ABCC12: variants seen among roughly 807,000 people sequenced by gnomAD.
ABCC12 encodes the protein ATP binding cassette subfamily C member 12, also known as ATP-binding cassette sub-family C member 12.
In ABCC12, 142 loss-of-function variants were observed where a neutral mutation model predicts 151.1. The ratio of observed to expected loss-of-function variants is 0.94; its 90% CI spans 0.82 to 1.08. ABCC12 has a LOEUF of 1.08. Ranked by LOEUF, ABCC12 falls within the 50% of genes least tolerant of loss-of-function variation. ABCC12 has a pLI of 0.00. For synonymous variants in ABCC12, 645 were observed against 646.4 expected (o/e 1.00, Z 0.03); for missense variants, 1,638 against 1,691.1 (o/e 0.97, Z 0.55).
At chr16:48,107,995 C>A (rs1168027234) in intron 19 of ABCC12, among the ~76,000 whole-genome samples, 1 of 149,984 alleles carries the variant, frequency 6.7e-6, no homozygotes. Flanking sequence ...GGTGACAGAG[C>A]AAGACTCCAT....
At chr16:48,112,907 T>C (rs560244617) in intron 15 of ABCC12, among the ~76,000 whole-genome samples, 10 of 152,292 alleles carry the variant, frequency 6.6e-5, no homozygotes, top group Admixed American at 1.3e-4. Context: ...TTTTTTTTAA[T>C]TTGAATTCCC....
In ABCC12 at chr16:48,107,394, G is replaced by A. The variant is rs1963532031; in HGVS notation, c.2403C>T (p.Leu801=). 6.2e-7 allele frequency: 1 copy of A among 1,614,090 alleles called. No individual in the cohort carries two copies. The highest frequency in any genetic ancestry group is 1.3e-5 in the African/African-American group (1 of 74,924). The change falls in exon 20 of 31, where the codon CTC becomes CTT. Residue 801 remains leucine (L), a synonymous_variant. Coordinates refer to ENST00000311303, the MANE Select transcript of ABCC12 (RefSeq NM_001393797.1). Reference sequence around the variant, plus strand: ...CAGCGCTGCCAATCATCAGGAGGAAGAGGAACACAGTGAAGAGAGAAAGGA... The same window carrying A: ...CAGCGCTGCCAATCATCAGGAGGAAAAGGAACACAGTGAAGAGAGAAAGGA... ...GYLLSLFTVF[L]FLLMIGSAAF...
rs146815895 is a variant in ABCC12, at chr16:48,111,793, G to A, written c.2107C>T (p.Arg703Ter). 140 of 1,614,088 alleles carry A rather than the reference G, an allele frequency of 8.7e-5. No individual in the cohort carries two copies. The African/African-American group carries it at 1.5e-3, about 18-fold the overall frequency. Residue 703 changes from arginine to a stop codon, truncating the protein, a stop_gained, in exon 16 of 31, where the codon CGA becomes TGA. Coordinates refer to ENST00000311303, the MANE Select transcript of ABCC12 (RefSeq NM_001393797.1). LOFTEE classifies it high-confidence loss of function. The stretch of plus-strand genomic sequence containing the variant: ...TGAGTTACCTTGAACTGCAATCCTC[G>A]CAGGTTGTGAATCAGTTTTGCATAG... The part of the protein sequence containing the change: ...GRYAKLIHNL[R>*]GLQFKDPEHL...
At chr16:48,093,741 A>G (rs1429762597) in intron 24 of ABCC12, among the ~76,000 whole-genome samples, 3 of 152,224 alleles carry the variant, frequency 2.0e-5, no homozygotes, top group Non-Finnish European at 4.4e-5. Context: ...CTTTTGCTAA[A>G]TGCAAGAGTA....
chr16:48,107,241 A>C, intron 20 of ABCC12, 81 bp downstream of exon 20: 1 of 1,320,668 alleles, frequency 7.6e-7, no homozygotes, highest in Non-Finnish European at 1.1e-6. Flanking sequence ...GCATGGTGGC[A>C]GGGGCAGTCA....
intron 2 of ABCC12, among the ~76,000 whole-genome samples, chr16:48,151,612 CTG>C (rs767814467): frequency 2.1e-4 from 32 of 152,136 alleles, no homozygotes; most frequent in Non-Finnish European, 4.1e-4. Context: ...CTGGAGAACT[CTG>C]TACTATCTTT....
chr16:48,119,706 C>T (rs1964004403), intron 13 of ABCC12, among the ~76,000 whole-genome samples: 1 of 152,176 alleles, frequency 6.6e-6, no homozygotes, highest in African/African-American at 2.4e-5. Flanking sequence ...TGAGAAAGGC[C>T]AAACTACCAC....
chr16:48,084,236 A>T (rs1218319664), intron 29 of ABCC12, among the ~76,000 whole-genome samples, 163 bp from the exon 30 acceptor site: 1 of 152,218 alleles, frequency 6.6e-6, no homozygotes, highest in Non-Finnish European at 1.5e-5. Context: ...GAAGAACAAG[A>T]GTGAAATAAA....
rs541225265 is a variant in ABCC12, at chr16:48,102,247, G to A, written c.2901-1238C>T. Among the ~76,000 whole-genome samples the A allele has an allele frequency of 8.2e-4, 125 of 152,256 alleles. 1 individual carries two copies. Among genetic ancestry groups the A allele is most frequent in the African/African-American group, 2.8e-3 (118 of 41,526 alleles). ...ACTTCACTTCAGCCTCTGATTAGTC[G>A]CTTTCTGCAACCAGTCAGACTGATC... On this transcript the variant is annotated intron_variant, in intron 22 of 30. Coordinates refer to ENST00000311303, the MANE Select transcript of ABCC12 (RefSeq NM_001393797.1).
chr16:48,136,163 T>A (rs1392489028), intron 8 of ABCC12, among the ~76,000 whole-genome samples: 2 of 152,200 alleles, frequency 1.3e-5, no homozygotes, highest in South Asian at 4.1e-4. Flanking sequence ...CGAAGCCCAC[T>A]TCTCCTGGGA....
chr16:48,086,778 A>G lies in ABCC12; in HGVS notation c.3677T>C (p.Leu1226Pro). The G allele has an allele frequency of 1.2e-6, 2 of 1,614,096 alleles. No homozygotes were observed. Among genetic ancestry groups the G allele is most frequent in the Non-Finnish European group, 1.7e-6 (2 of 1,179,958 alleles). Residue 1226 changes from leucine (L) to proline (P), a missense_variant, in exon 28 of 31, where the codon CTC becomes CCC. Physicochemically the swap from Leu to Pro is moderately conservative, Grantham distance 98. Coordinates refer to ENST00000311303, the MANE Select transcript of ABCC12 (RefSeq NM_001393797.1). ...DPFESHTDEM[L>P]WQVLERTFMR... Reference sequence around the variant, plus strand: ...GAATGTTCTCTCCAGAACCTGCCAGAGCATCTCATCGGTGTGACTCTCAAA... The same window carrying G: ...GAATGTTCTCTCCAGAACCTGCCAGGGCATCTCATCGGTGTGACTCTCAAA...
At chr16:48,117,364 T>A in intron 13 of ABCC12, 31 bp from the exon 14 acceptor site, 1 of 1,609,904 alleles carries the variant, frequency 6.2e-7, no homozygotes, top group South Asian at 1.1e-5. Flanking sequence ...AGTAGCTGGG[T>A]GAGAAAGACC....
At position 48,121,737 on chromosome 16, in the gene ABCC12, C is replaced by A; in HGVS notation, c.1691G>T (p.Gly564Val). ...HGNVRENILF[G>V]EKYDHQRYQH... ...TTACCTTTGGTGATCATACTTTTCT[C>A]CAAAGAGTATGTTTTCTCTCACATT... The change falls in exon 13 of 31, where the codon GGA becomes GTA. Residue 564 changes from glycine to valine, a missense_variant. Transcript: ENST00000311303. 1 of 1,614,138 alleles carries A rather than the reference C, an allele frequency of 6.2e-7. No homozygotes were observed.
At position 48,088,078 on chromosome 16, in the gene ABCC12, T is replaced by A. The variant is rs905650307; in HGVS notation, c.3483A>T (p.Ser1161=). ...GACGAAACAAAGCCATTCCTAACGA[T>A]GACTTTCCTGGGAACCATAAAAGTA... is the stretch of plus-strand genomic sequence containing the variant. ...GIVGRTGSGK[S]SLGMALFRLV... is the part of the protein sequence containing the mutation. The change falls in exon 27 of 31, where the codon TCA becomes TCT. Residue 1161 remains serine, a synonymous_variant. Transcript: ENST00000311303. 1 of 1,613,676 alleles carries A rather than the reference T, an allele frequency of 6.2e-7. No homozygotes were observed.
intron 11 of ABCC12, among the ~76,000 whole-genome samples, chr16:48,128,117 TCA>T (rs1346456395): frequency 6.6e-6 from 1 of 152,086 alleles, no homozygotes; most frequent in Non-Finnish European, 1.5e-5. Flanking sequence ...AGACCCTGTC[TCA>T]CACACACAAA....
chr16:48,141,448 A>G, intron 4 of ABCC12, 95 bp from the exon 5 acceptor site: 1 of 1,487,134 alleles, frequency 6.7e-7, no homozygotes, highest in Non-Finnish European at 9.2e-7. Flanking sequence ...GGTGCTCGGC[A>G]GAGCCCCCCT....
intron 4 of ABCC12, among the ~76,000 whole-genome samples, chr16:48,142,480 C>G (rs1025936608): frequency 6.6e-6 from 1 of 152,168 alleles, no homozygotes; most frequent in African/African-American, 2.4e-5. Flanking sequence ...AAGTACTGGC[C>G]AGAGAGAACG....
chr16:48,154,588 C>CT lies in ABCC12; in HGVS notation c.-319-705dup, dbSNP rs1290786467. Among the ~76,000 whole-genome samples the CT allele has an allele frequency of 2.6e-5, 4 of 152,274 alleles. No individual in the cohort carries two copies. The South Asian group carries it at 8.3e-4, about 32-fold the overall frequency. ...TTATTGCATTGGCACTGCTGTCTTC[C>CT]TTATAGTGTTTCCTGAGGCCTTTTT... On this transcript the variant is annotated intron_variant, in intron 1 of 30. Transcript: ENST00000311303.
intron 11 of ABCC12, 114 bp from the exon 12 acceptor site, chr16:48,124,398 C>G (rs1964172017): frequency 1.0e-6 from 1 of 989,196 alleles, no homozygotes; most frequent in Non-Finnish European, 1.6e-6. Flanking sequence ...AACAAGGGGT[C>G]ACTGCAGGCT....
Sources: allele counts gnomAD v4.1 joint callset (sites outside exome capture counted in the v4.1 genomes callset), GRCh38; gene constraint gnomAD v4.1.1; transcripts MANE v1.5; gene names NCBI Gene and HGNC (gene_info 2026-07-23, HGNC 2026-07-21).